The following PRKN variants were observed in gnomAD, a reference collection of about 807,000 sequenced individuals.
PRKN encodes the protein E3 ubiquitin-protein ligase parkin.
PRKN carries 56 observed loss-of-function variants against 59.5 expected under a neutral mutation model. That is an observed-to-expected ratio of 0.94 (90% CI 0.76 to 1.18). The LOEUF is 1.18. PRKN is among the 50% of genes most tolerant of loss of function. The pLI, the probability that PRKN is intolerant of heterozygous loss-of-function variation, is 0.00. For synonymous variants in PRKN, 250 were observed against 222.1 expected, an observed-to-expected ratio of 1.13 and a Z score of -1.12; for missense variants, 657 against 596.4, an observed-to-expected ratio of 1.10 and a Z score of -1.06.
Position 161,397,291 on chromosome 6 carries a change from A to G in PRKN, c.1084-10414T>C, listed in dbSNP as rs16892492. Among the ~76,000 whole-genome samples the G allele has an allele frequency of 0.15, 23,173 of 152,232 alleles. 1,864 individuals carry two copies. Among genetic ancestry groups the G allele is most frequent in the South Asian group, 0.25 (1,207 of 4,818 alleles). On this transcript the variant is annotated intron_variant, in intron 9 of 11. Transcript: ENST00000366898. The surrounding 1 kb of genome is among the most constrained non-coding windows in gnomAD (Gnocchi z 4.2). ...CAGCTAAGGTGGATGTTTATAAAGC[A>G]TAAAAGAGCTGAAGGACAATTGTGT...
chr6:161,970,435 T>A (rs1247747641), intron 6 of PRKN, among the ~76,000 whole-genome samples: 5 of 150,458 alleles, frequency 3.3e-5, no homozygotes, highest in Non-Finnish European at 5.9e-5. Flanking sequence ...ACACACACAA[T>A]ATAATTATAC....
chr6:161,830,785 A>T (rs1219597602), intron 6 of PRKN, among the ~76,000 whole-genome samples: 1 of 152,158 alleles, frequency 6.6e-6, no homozygotes, highest in Non-Finnish European at 1.5e-5. Context: ...ATGATTTTGT[A>T]TGATTTTTTA....
intron 7 of PRKN, among the ~76,000 whole-genome samples, chr6:161,740,635 G>A (rs1030268591): frequency 2.6e-5 from 4 of 152,188 alleles, no homozygotes; most frequent in Admixed American, 6.5e-5. Flanking sequence ...AATCAAGTTC[G>A]GGTTTTACAA....
In PRKN at chr6:161,694,231, G is replaced by GGAAA. The variant is rs537768346; in HGVS notation, c.871+91540_871+91541insTTTC. On this transcript the variant is annotated intron_variant, in intron 7 of 11. Transcript: ENST00000366898. ...AGCACTGAATTAGAGATTGTTAATA[G>GGAAA]TAATAATAATAAGAAAAAAAGATTT... Among the ~76,000 whole-genome samples, 476 of 152,134 alleles carry GGAAA rather than the reference G, an allele frequency of 3.1e-3. 4 individuals are homozygous for GGAAA. The highest frequency in any genetic ancestry group is 4.1e-3 in the Non-Finnish European group (277 of 67,992).
intron 7 of PRKN, among the ~76,000 whole-genome samples, chr6:161,710,691 C>T (rs1455363785): frequency 1.3e-5 from 2 of 152,152 alleles, no homozygotes; most frequent in Non-Finnish European, 2.9e-5. Flanking sequence ...GCTAGCTGCT[C>T]ACCACCGGGC....
chr6:162,235,913 G>GCAAT (rs1778644164), intron 3 of PRKN, among the ~76,000 whole-genome samples: 1 of 53,004 alleles, frequency 1.9e-5, no homozygotes. Flanking sequence ...AAGGAAGGAA[G>GCAAT]GAAGGAAGGA....
At chr6:161,570,472 A>G (rs941509095) in intron 7 of PRKN, among the ~76,000 whole-genome samples, 2 of 151,264 alleles carry the variant, frequency 1.3e-5, no homozygotes, top group African/African-American at 4.9e-5. Flanking sequence ...TGCCTCTGCT[A>G]CCCCTGAGAC....
In PRKN at chr6:161,518,156, C is replaced by T. The variant is rs1170067868; in HGVS notation, c.1083+30698G>A. 6.6e-6 allele frequency among the ~76,000 whole-genome samples: 1 copy of T among 152,074 alleles called. No homozygotes were observed. The highest frequency in any genetic ancestry group is 6.5e-5 in the Admixed American group (1 of 15,280). ...TGGGGCCGGGGGCACTCACTGCCTC[C>T]CTCACTGGCAGCTGGACAGTGACTC... is the stretch of plus-strand genomic sequence containing the variant. On this transcript the variant is annotated intron_variant, in intron 9 of 11. Coordinates refer to ENST00000366898, the MANE Select transcript of PRKN (RefSeq NM_004562.3). This position sits in a 1 kb window ranked among gnomAD's most constrained non-coding sequence, Gnocchi z 5.0.
chr6:162,332,378 C>A (rs1488762321), intron 2 of PRKN, among the ~76,000 whole-genome samples: 1 of 152,194 alleles, frequency 6.6e-6, no homozygotes, highest in Non-Finnish European at 1.5e-5. Context: ...CTGGCCTGCG[C>A]CCCTCTCTCT....
chr6:161,819,046 T>A (rs567735339), intron 6 of PRKN, among the ~76,000 whole-genome samples: 4 of 152,322 alleles, frequency 2.6e-5, no homozygotes, highest in East Asian at 3.9e-4. Flanking sequence ...CTTGAAAATG[T>A]ACATTGCATT....
intron 1 of PRKN, among the ~76,000 whole-genome samples, chr6:162,530,367 G>A (rs1347298963): frequency 2.6e-5 from 4 of 151,906 alleles, no homozygotes; most frequent in South Asian, 2.1e-4. Flanking sequence ...GAGAACTGCC[G>A]CTTAATGGCT....
rs553065059 is a variant in PRKN, at chr6:161,682,310, A to T, written c.871+103462T>A. Reference sequence around the variant, plus strand: ...GGCTTGGGTGATGCCGGGGAGGAAAAGAGAGCCGGGAATGCTGAGATGGAA... The same window carrying T: ...GGCTTGGGTGATGCCGGGGAGGAAATGAGAGCCGGGAATGCTGAGATGGAA... On this transcript the variant is annotated intron_variant, in intron 7 of 11. Transcript: ENST00000366898. 1.7e-4 allele frequency among the ~76,000 whole-genome samples: 26 copies of T among 152,278 alleles called. No individual in the cohort carries two copies. In the South Asian group the frequency reaches 5.2e-3, roughly 30 times the overall value.
At chr6:162,315,152 T>C (rs1387947050) in intron 2 of PRKN, among the ~76,000 whole-genome samples, 1 of 152,148 alleles carries the variant, frequency 6.6e-6, no homozygotes, top group Non-Finnish European at 1.5e-5. Flanking sequence ...AACAAACAAA[T>C]GAAGTGTGTA....
At chr6:162,129,688 T>C (rs1036675974) in intron 4 of PRKN, among the ~76,000 whole-genome samples, 1 of 152,200 alleles carries the variant, frequency 6.6e-6, no homozygotes, top group Non-Finnish European at 1.5e-5. Context: ...TTTAACACTT[T>C]ACTATAAAAT....
intron 1 of PRKN, among the ~76,000 whole-genome samples, chr6:162,633,706 A>ATGT (rs1777603677): frequency 6.6e-6 from 1 of 151,808 alleles, no homozygotes; most frequent in Non-Finnish European, 1.5e-5. Flanking sequence ...TTTCCGTGGG[A>ATGT]CCCTGAATGT....
chr6:161,464,247 CA>C (rs1790341906), intron 9 of PRKN, among the ~76,000 whole-genome samples: 1 of 152,168 alleles, frequency 6.6e-6, no homozygotes, highest in Admixed American at 6.5e-5. Context: ...CTCCCGACCT[CA>C]GGTAATCTGC....
At chr6:161,642,260 T>C (rs772682088) in intron 7 of PRKN, among the ~76,000 whole-genome samples, 3 of 152,220 alleles carry the variant, frequency 2.0e-5, no homozygotes, top group Admixed American at 1.3e-4. Flanking sequence ...ATATGGAATA[T>C]AAAGTCATCA....
rs74986063 is a variant in PRKN, at chr6:161,825,440, T to C, written c.735-39532A>G. The stretch of plus-strand genomic sequence containing the variant: ...AGTTAAGCACCTCCTCAGGACCCCT[T>C]GGCCTCGTCAATATTTCCAAAATCC... On this transcript the variant is annotated intron_variant, in intron 6 of 11. Transcript: ENST00000366898. Among the ~76,000 whole-genome samples the C allele has an allele frequency of 8.0e-3, 1,224 of 152,294 alleles. 18 individuals are homozygous for C. The highest frequency in any genetic ancestry group is 0.028 in the African/African-American group (1,170 of 41,564).
At chr6:162,001,718 G>T (rs979466877) in intron 5 of PRKN, among the ~76,000 whole-genome samples, 3 of 151,860 alleles carry the variant, frequency 2.0e-5, no homozygotes, top group Admixed American at 1.3e-4. Flanking sequence ...TGACATTCTT[G>T]CATTGTTCTT....
Sources: allele counts gnomAD v4.1 joint callset (sites outside exome capture counted in the v4.1 genomes callset), GRCh38; gene constraint gnomAD v4.1.1; non-coding constraint Gnocchi (gnomAD v3.1); transcripts MANE v1.5; gene names NCBI Gene and HGNC (gene_info 2026-07-23, HGNC 2026-07-21).